Variants in HIPK2 observed in about 807,000 individuals in gnomAD.
HIPK2 encodes the protein homeodomain-interacting protein kinase 2.
A neutral mutation model predicts 113.7 loss-of-function variants in HIPK2; 27 were observed. The observed-to-expected ratio is 0.24, with a 90% CI of 0.17 to 0.33. The LOEUF (loss-of-function observed/expected upper bound fraction) is 0.33, where lower values mean the gene tolerates loss of function less well. HIPK2 is among the 10% of genes least tolerant of loss of function. The probability of loss-of-function intolerance (pLI) is 1.00; values close to 1 mark genes in which losing one functional copy is unlikely to be tolerated. For synonymous variants in HIPK2, 631 were observed against 642.2 expected, an observed-to-expected ratio of 0.98 and a Z score of 0.26; for missense variants, 1,257 against 1,588.0, an observed-to-expected ratio of 0.79 and a Z score of 3.54.
chr7:139,698,721 GAAATCTCT>G (rs1414252951), intron 2 of HIPK2, among the ~76,000 whole-genome samples: 2 of 152,118 alleles, frequency 1.3e-5, no homozygotes, highest in Non-Finnish European at 2.9e-5. Flanking sequence ...CAGGCCCTGT[GAAATCTCT>G]AATCCTTACC....
At chr7:139,691,778 T>A (rs1794411381) in intron 2 of HIPK2, among the ~76,000 whole-genome samples, 1 of 152,204 alleles carries the variant, frequency 6.6e-6, no homozygotes, top group Admixed American at 6.5e-5. Flanking sequence ...CCTGTGCAAG[T>A]GGGGATGAAA....
chr7:139,736,359 C>G (rs938580578), intron 1 of HIPK2, among the ~76,000 whole-genome samples: 1 of 152,184 alleles, frequency 6.6e-6, no homozygotes, highest in Non-Finnish European at 1.5e-5. Context: ...AAGGCATGAC[C>G]TGGTAGACAG....
chr7:139,575,173 C>T lies in HIPK2; in HGVS notation c.3081G>A (p.Arg1027=). Residue 1027 remains arginine (R), a synonymous_variant, in exon 14 of 15, where the codon CGG becomes CGA. Transcript: ENST00000406875. ...GCTGCTGCTGGAAGTGGGGGCCCGGCCGCTGCTGCCGGTAGGTGATGGCTC... is the reference window on the plus strand; with the variant it reads ...GCTGCTGCTGGAAGTGGGGGCCCGGTCGCTGCTGCCGGTAGGTGATGGCTC... ...SSGAITYRQQ[R]PGPHFQQQQP... The T allele has an allele frequency of 6.3e-7, 1 of 1,592,634 alleles. No individual in the cohort carries two copies. The highest frequency in any genetic ancestry group is 1.8e-5 in the Admixed American group (1 of 56,572).
chr7:139,713,881 C>A (rs985567495), intron 2 of HIPK2, among the ~76,000 whole-genome samples: 13 of 152,240 alleles, frequency 8.5e-5, no homozygotes, highest in African/African-American at 3.1e-4. Flanking sequence ...GAGGCCCAGG[C>A]ACTCTCTACA....
At chr7:139,756,337 T>G (rs1337857055) in intron 1 of HIPK2, among the ~76,000 whole-genome samples, 1 of 152,280 alleles carries the variant, frequency 6.6e-6, no homozygotes, top group Admixed American at 6.5e-5. Context: ...TTTAATTATT[T>G]CCCTTTTCCT....
intron 2 of HIPK2, among the ~76,000 whole-genome samples, chr7:139,704,243 A>C (rs1373422276): frequency 4.3e-5 from 4 of 92,054 alleles, no homozygotes; most frequent in Admixed American, 1.2e-4. Flanking sequence ...CAACACATGC[A>C]CCCCTCCACA....
chr7:139,655,208 T>A (rs760790740), intron 2 of HIPK2, among the ~76,000 whole-genome samples: 1 of 152,168 alleles, frequency 6.6e-6, no homozygotes, highest in Non-Finnish European at 1.5e-5. Context: ...TCACAGTCAG[T>A]TAAGGGACCA....
intron 2 of HIPK2, among the ~76,000 whole-genome samples, chr7:139,689,700 G>T (rs371170134): frequency 1.3e-5 from 2 of 152,290 alleles, no homozygotes; most frequent in East Asian, 1.9e-4. Flanking sequence ...TGGTCCAAGG[G>T]TCATATCTGG....
intron 1 of HIPK2, among the ~76,000 whole-genome samples, chr7:139,756,710 C>A (rs1167572362): frequency 2.0e-5 from 3 of 152,220 alleles, no homozygotes; most frequent in Admixed American, 6.5e-5. Context: ...CAAGCATGAG[C>A]CACCGCATCC....
rs1798105680 is a variant in HIPK2, at chr7:139,566,852, G to A, written c.*6075C>T. 1 of 152,288 alleles carries A rather than the reference G, an allele frequency of 6.6e-6. No homozygotes were observed. The highest frequency in any genetic ancestry group is 6.5e-5 in the Admixed American group (1 of 15,286). 9.4% of individuals were successfully genotyped at this position (152,288 alleles called of 1,614,324 possible). A position where few individuals can be genotyped will look rare whatever the true frequency, so the allele number is the denominator to read the frequency against. On this transcript the variant is annotated 3_prime_UTR_variant, in exon 15 of 15. Transcript: ENST00000406875. This position sits in a 1 kb window ranked among gnomAD's most constrained non-coding sequence, Gnocchi z 4.1. ...GGATCTGAGATGAGGGGCTCCCAGA[G>A]GCTTGGGCAAGTCCAGCGGGGGGCA...
intron 2 of HIPK2, among the ~76,000 whole-genome samples, chr7:139,641,982 G>A (rs1032880762): frequency 6.6e-6 from 1 of 151,996 alleles, no homozygotes; most frequent in South Asian, 2.1e-4. Context: ...TTGTCTCTAC[G>A]GCAGCTTATG....
chr7:139,748,471 G>A (rs984476794), intron 1 of HIPK2, among the ~76,000 whole-genome samples: 14 of 151,954 alleles, frequency 9.2e-5, no homozygotes, highest in African/African-American at 3.4e-4. Context: ...CTCCCTCCGA[G>A]GCTGTGAGGG....
chr7:139,583,562 A>G (rs1455864974), intron 13 of HIPK2: 1 of 494,782 alleles, frequency 2.0e-6, no homozygotes, highest in African/African-American at 1.9e-5. Context: ...TAATCAACCT[A>G]GTTGGAAGCA....
At chr7:139,717,845 A>G (rs1484023675) in intron 1 of HIPK2, among the ~76,000 whole-genome samples, 4 of 151,944 alleles carry the variant, frequency 2.6e-5, no homozygotes, top group African/African-American at 9.7e-5. Flanking sequence ...CCCAGGTTTC[A>G]AGCCATTCTC....
At chr7:139,687,012 G>A (rs771604421) in intron 2 of HIPK2, among the ~76,000 whole-genome samples, 41 of 152,332 alleles carry the variant, frequency 2.7e-4, no homozygotes, top group Non-Finnish European at 5.0e-4. Context: ...GATTGACATC[G>A]AGGTAAGACC....
chr7:139,730,742 G>C (rs1335445552), intron 1 of HIPK2, among the ~76,000 whole-genome samples: 2 of 152,196 alleles, frequency 1.3e-5, no homozygotes, highest in African/African-American at 2.4e-5. Flanking sequence ...CTAACCCCCA[G>C]TACCTGTGAA....
chr7:139,701,516 C>T (rs1485122880), intron 2 of HIPK2, among the ~76,000 whole-genome samples: 1 of 152,140 alleles, frequency 6.6e-6, no homozygotes, highest in African/African-American at 2.4e-5. Context: ...CTTAGCCCAA[C>T]TCACATAGCT....
At chr7:139,695,283 C>T (rs1386679756) in intron 2 of HIPK2, among the ~76,000 whole-genome samples, 1 of 152,232 alleles carries the variant, frequency 6.6e-6, no homozygotes, top group African/African-American at 2.4e-5. Context: ...TCCTCGTCAT[C>T]AAAGTGACCA....
Position 139,710,954 on chromosome 7 carries a change from C to T in HIPK2, c.1103+4978G>A, listed in dbSNP as rs548126715. Among the ~76,000 whole-genome samples the T allele has an allele frequency of 6.6e-5, 10 of 152,244 alleles. No individual in the cohort carries two copies. The South Asian group carries it at 1.9e-3, about 28-fold the overall frequency. On this transcript the variant is annotated intron_variant, in intron 2 of 14. Transcript: ENST00000406875. ...CATGATTGTAAGTTTCCTGAGGCCT[C>T]CCAGCCATGCTTCCTATACACCCCG...
Sources: allele counts gnomAD v4.1 joint callset (sites outside exome capture counted in the v4.1 genomes callset), GRCh38; gene constraint gnomAD v4.1.1; non-coding constraint Gnocchi (gnomAD v3.1); transcripts MANE v1.5; gene names NCBI Gene and HGNC (gene_info 2026-07-23, HGNC 2026-07-21).